SPOCK1: variants seen among roughly 807,000 people sequenced by gnomAD.
The protein encoded by SPOCK1 is SPARC (osteonectin), cwcv and kazal like domains proteoglycan 1.
Under a neutral mutation model 55.3 loss-of-function variants are expected in SPOCK1, and 23 were observed. The observed-to-expected ratio is 0.42, with a 90% CI of 0.30 to 0.59. SPOCK1 has a LOEUF of 0.59. SPOCK1 is among the 20% of genes least tolerant of loss of function. SPOCK1 has a pLI of 0.22. For missense variants in SPOCK1, 499 were observed against 552.5 expected (o/e 0.90, Z 0.97); for synonymous variants, 226 against 221.0 (o/e 1.02, Z -0.20).
chr5:137,234,348 T>A (rs1756131711), intron 3 of SPOCK1, among the ~76,000 whole-genome samples: 1 of 152,178 alleles, frequency 6.6e-6, no homozygotes, highest in Non-Finnish European at 1.5e-5. Context: ...GGAAACACCA[T>A]GCCTGGGCCA....
intron 5 of SPOCK1, among the ~76,000 whole-genome samples, chr5:137,080,305 T>A (rs1016468881): frequency 1.3e-5 from 2 of 152,206 alleles, no homozygotes; most frequent in Admixed American, 1.3e-4. Flanking sequence ...CTAAAGTCTG[T>A]GCTCTTAAGA....
chr5:137,133,489 A>G (rs767659545), intron 4 of SPOCK1, among the ~76,000 whole-genome samples: 5 of 152,176 alleles, frequency 3.3e-5, no homozygotes, highest in Non-Finnish European at 7.4e-5. Flanking sequence ...AAAATTCCAC[A>G]TAATTATTCA....
intron 3 of SPOCK1, among the ~76,000 whole-genome samples, chr5:137,182,407 TA>T (rs1754986022): frequency 1.3e-5 from 2 of 152,328 alleles, no homozygotes; most frequent in East Asian, 1.9e-4. Context: ...AAACTTTTCC[TA>T]AACAATGTCT....
At chr5:137,062,556 AAT>A (rs1168471890) in intron 6 of SPOCK1, among the ~76,000 whole-genome samples, 1 of 148,152 alleles carries the variant, frequency 6.7e-6, no homozygotes, top group Non-Finnish European at 1.5e-5. Context: ...TAATAATAAT[AAT>A]AAAGACAGCA....
intron 2 of SPOCK1, among the ~76,000 whole-genome samples, chr5:137,436,850 C>T (rs1752875658): frequency 1.3e-5 from 2 of 152,052 alleles, no homozygotes; most frequent in African/African-American, 2.4e-5. Flanking sequence ...GTGTTTTATA[C>T]ATTTTTACTC....
chr5:137,242,146 C>T (rs1281568650), intron 3 of SPOCK1, among the ~76,000 whole-genome samples: 4 of 152,186 alleles, frequency 2.6e-5, no homozygotes, highest in South Asian at 2.1e-4. Flanking sequence ...GGCAGGCAGA[C>T]CTCTTGAGCT....
intron 3 of SPOCK1, among the ~76,000 whole-genome samples, chr5:137,263,510 T>C (rs915717880): frequency 6.6e-6 from 1 of 152,192 alleles, no homozygotes; most frequent in Non-Finnish European, 1.5e-5. Flanking sequence ...CCTCTGAAGG[T>C]CCATCCGGGG....
chr5:137,249,634 T>C (rs1280159824), intron 3 of SPOCK1, among the ~76,000 whole-genome samples: 1 of 152,330 alleles, frequency 6.6e-6, no homozygotes, highest in East Asian at 1.9e-4. Context: ...ACTTTGCCTT[T>C]TATGTACTTT....
intron 3 of SPOCK1, among the ~76,000 whole-genome samples, chr5:137,211,298 G>C (rs1439589178): frequency 6.6e-6 from 1 of 152,128 alleles, no homozygotes; most frequent in African/African-American, 2.4e-5. Flanking sequence ...GTGTGACCTT[G>C]AGCAAGTCTT....
intron 2 of SPOCK1, among the ~76,000 whole-genome samples, chr5:137,291,801 A>ACCACACCCCCAGCCAGGCTGG (rs368570404): frequency 1.3e-5 from 2 of 152,246 alleles, no homozygotes; most frequent in African/African-American, 4.8e-5. Context: ...GGCATGGCTG[A>ACCACACCCCCAGCCAGGCTGG]CCACACCCCC....
chr5:137,196,403 A>G (rs542561542), intron 3 of SPOCK1, among the ~76,000 whole-genome samples: 22 of 152,326 alleles, frequency 1.4e-4, no homozygotes, highest in Non-Finnish European at 2.4e-4. Flanking sequence ...GTACTCCACA[A>G]GGTGCATGGC....
At chr5:137,069,851 A>C (rs1019472829) in intron 5 of SPOCK1, among the ~76,000 whole-genome samples, 2 of 152,228 alleles carry the variant, frequency 1.3e-5, no homozygotes, top group Admixed American at 6.5e-5. Context: ...CATAAAGTCA[A>C]AATTATTACC....
At chr5:137,137,706 T>A (rs1218021357) in intron 4 of SPOCK1, among the ~76,000 whole-genome samples, 1 of 152,182 alleles carries the variant, frequency 6.6e-6, no homozygotes, top group Non-Finnish European at 1.5e-5. Context: ...GACACTGTCA[T>A]CCTCACGCTA....
chr5:137,181,667 G>A (rs956922818), intron 3 of SPOCK1, among the ~76,000 whole-genome samples: 22 of 152,192 alleles, frequency 1.4e-4, no homozygotes, highest in African/African-American at 4.6e-4. Context: ...GGGTCCCCAC[G>A]GGCGCTAGAA....
Position 137,446,558 on chromosome 5 carries a change from G to A in SPOCK1, c.186+51815C>T, listed in dbSNP as rs1271056833. ...AGGAGGAAGGTATGTGAGATGCACA[G>A]TATGAGAAAATTGGGAAGGTGCCCG... On this transcript the variant is annotated intron_variant, in intron 2 of 10. Transcript: ENST00000394945. 5.3e-5 allele frequency among the ~76,000 whole-genome samples: 8 copies of A among 152,228 alleles called. No homozygotes were observed. The East Asian group carries it at 1.5e-3, about 29-fold the overall frequency.
At chr5:136,999,027 G>A (rs940993166) in intron 6 of SPOCK1, among the ~76,000 whole-genome samples, 6 of 152,162 alleles carry the variant, frequency 3.9e-5, no homozygotes, top group African/African-American at 7.2e-5. Context: ...AAACGTGATC[G>A]CTCTCCACCT....
At chr5:137,105,582 A>G (rs955464059) in intron 5 of SPOCK1, among the ~76,000 whole-genome samples, 5 of 152,128 alleles carry the variant, frequency 3.3e-5, no homozygotes, top group African/African-American at 1.2e-4. Context: ...GCCAATACAG[A>G]CTCTACTTGC....
intron 3 of SPOCK1, among the ~76,000 whole-genome samples, chr5:137,259,215 A>T (rs776031509): frequency 7.2e-5 from 11 of 152,214 alleles, no homozygotes; most frequent in Non-Finnish European, 1.3e-4. Context: ...CACTGTTCAC[A>T]ATAGCAAAGA....
At chr5:136,989,696 C>G (rs1312894497) in intron 7 of SPOCK1, among the ~76,000 whole-genome samples, 1 of 152,086 alleles carries the variant, frequency 6.6e-6, no homozygotes, top group African/African-American at 2.4e-5. Context: ...TACATATTCT[C>G]AATGACACCT....
Sources: gnomAD v4.1 joint callset for allele counts (sites outside exome capture counted in the v4.1 genomes callset) on GRCh38, gnomAD v4.1.1 for gene constraint, MANE v1.5 for transcripts, NCBI Gene and HGNC (gene_info 2026-07-23, HGNC 2026-07-21) for gene names.